The following DNAI7 variants were observed in gnomAD, a reference collection of about 807,000 sequenced individuals.
DNAI7 encodes the protein dynein axonemal intermediate chain 7, also known as cancer susceptibility 1.
A neutral mutation model predicts 86.6 loss-of-function variants in DNAI7; 78 were observed. That is an observed-to-expected ratio of 0.90 (90% CI 0.75 to 1.09). DNAI7 has a LOEUF of 1.09. Ranked by LOEUF, DNAI7 falls within the 50% of genes least tolerant of loss-of-function variation. DNAI7 has a pLI of 0.00. For synonymous variants in DNAI7, 274 were observed against 273.0 expected (o/e 1.00, Z -0.04); for missense variants, 753 against 810.2 (o/e 0.93, Z 0.86).
In DNAI7 at chr12:25,154,467, A is replaced by C. The variant is rs1945924686; in HGVS notation, c.301-11T>G. 6.3e-7 allele frequency: 1 copy of C among 1,598,900 alleles called. No individual in the cohort carries two copies. On this transcript the variant is annotated splice_polypyrimidine_tract_variant and intron_variant, in intron 5 of 15. Coordinates refer to ENST00000395987, the MANE Select transcript of DNAI7 (RefSeq NM_018272.5). ...AATGTAGTGCTTCCACTGTGGAATA[A>C]AAATGTTTAAAGGTTCACATTGATG...
At chr12:25,112,532 T>A (rs567969248) in intron 13 of DNAI7, among the ~76,000 whole-genome samples, 2 of 147,762 alleles carry the variant, frequency 1.4e-5, no homozygotes, top group East Asian at 2.1e-4. Context: ...TCAGCCTCCC[T>A]AGTAGCTGGG....
At chr12:25,155,910 G>A (rs898584553) in intron 4 of DNAI7, among the ~76,000 whole-genome samples, 1 of 152,184 alleles carries the variant, frequency 6.6e-6, no homozygotes, top group African/African-American at 2.4e-5. Flanking sequence ...AGGAGTTCGA[G>A]ACCAGCCAAC....
intron 2 of DNAI7, among the ~76,000 whole-genome samples, chr12:25,177,128 C>A (rs1196447214): frequency 1.3e-5 from 2 of 152,060 alleles, no homozygotes; most frequent in African/African-American, 2.4e-5. Flanking sequence ...GTATTGAACT[C>A]CTGACCTCAA....
At chr12:25,151,398 A>T (rs953639442) in intron 6 of DNAI7, among the ~76,000 whole-genome samples, 1 of 151,664 alleles carries the variant, frequency 6.6e-6, no homozygotes. Flanking sequence ...CTGCTATCCA[A>T]CTCCACTTTT....
intron 2 of DNAI7, among the ~76,000 whole-genome samples, chr12:25,184,315 T>G (rs1390610454): frequency 6.6e-6 from 1 of 152,222 alleles, no homozygotes; most frequent in South Asian, 2.1e-4. Flanking sequence ...AAACTATGAA[T>G]CTACTTTCTG....
At chr12:25,156,436 C>T (rs1946182554) in intron 4 of DNAI7, among the ~76,000 whole-genome samples, 1 of 152,182 alleles carries the variant, frequency 6.6e-6, no homozygotes, top group African/African-American at 2.4e-5. Context: ...TCACTGTAAG[C>T]TTGAAAGTAT....
At chr12:25,108,248 C>G, downstream of DNAI7, 1 of 619,792 alleles carries the variant, frequency 1.6e-6, no homozygotes. Context: ...AGAAGTCTGC[C>G]TATGATCTTT....
In DNAI7 at chr12:25,154,346, C is replaced by T; in HGVS notation, c.411G>A (p.Val137=). The T allele has an allele frequency of 6.2e-7, 1 of 1,609,684 alleles. No homozygotes were observed. ...KEKTNETFEE[V]IEKSKVVLNL... is the part of the protein sequence containing the mutation. ...TTAGCACTACTTTACTCTTCTCAAT[C>T]ACTTCCTCAAAAGTCTCATTTGTTT... Residue 137 remains valine (V), a synonymous_variant, in exon 6 of 16, where the codon GTG becomes GTA. Transcript: ENST00000395987.
intron 2 of DNAI7, among the ~76,000 whole-genome samples, chr12:25,181,437 A>C (rs1270665259): frequency 6.6e-6 from 1 of 152,108 alleles, no homozygotes; most frequent in Non-Finnish European, 1.5e-5. Context: ...AAACTATAAA[A>C]ACCCTAAAAG....
chr12:25,162,173 G>T (rs1268147847), intron 2 of DNAI7, among the ~76,000 whole-genome samples: 1 of 152,122 alleles, frequency 6.6e-6, no homozygotes, highest in Non-Finnish European at 1.5e-5. Context: ...GGGCCAACAA[G>T]GTCAGTGGGC....
In DNAI7 at chr12:25,110,206, ATCTGTC is replaced by A. The variant is rs1949696704; in HGVS notation, c.1808_1813del (p.Arg603_Met605delinsLeu). The stretch of plus-strand genomic sequence containing the variant: ...TGCAAAAGCAGAACTTAGTAGGGCC[ATCTGTC>A]GATAAGCTTTCACTTCTACCAAAGG... On this transcript the variant is annotated inframe_deletion, in exon 15 of 16. Transcript: ENST00000395987. 2 of 1,611,376 alleles carry A rather than the reference ATCTGTC, an allele frequency of 1.2e-6. No homozygotes were observed. The highest frequency in any genetic ancestry group is 2.2e-5 in the South Asian group (2 of 91,020).
intron 2 of DNAI7, among the ~76,000 whole-genome samples, chr12:25,175,003 G>T (rs1172162273): frequency 1.3e-5 from 2 of 151,656 alleles, no homozygotes; most frequent in East Asian, 3.9e-4. Context: ...CTACAAATAC[G>T]GTGCAGTGTA....
chr12:25,141,618 C>T (rs1198814909), intron 9 of DNAI7, among the ~76,000 whole-genome samples: 4 of 152,272 alleles, frequency 2.6e-5, no homozygotes, highest in African/African-American at 9.6e-5. Flanking sequence ...ACCATGAGGT[C>T]AGGAGATTGA....
rs1343455162 is a variant in DNAI7 at position 25,108,628 on chromosome 12, T to TGGGA, written c.2088_2089insTCCC (p.Lys697SerfsTer54). 6.2e-7 allele frequency: 1 copy of TGGGA among 1,613,614 alleles called. No homozygotes were observed. The highest frequency in any genetic ancestry group is 8.5e-7 in the Non-Finnish European group (1 of 1,179,876). ...AACTGACAGTTGGAACTCCTGACTT[T>TGGGA]CTCCATTGCTTCCTCAGAAGCAAAA... On this transcript the variant is annotated frameshift_variant, in exon 16 of 16. Coordinates refer to ENST00000395987, the MANE Select transcript of DNAI7 (RefSeq NM_018272.5). LOFTEE classifies it low-confidence loss of function (END_TRUNC).
chr12:25,117,658 G>A (rs1387316860), intron 12 of DNAI7, among the ~76,000 whole-genome samples: 1 of 151,978 alleles, frequency 6.6e-6, no homozygotes, highest in East Asian at 1.9e-4. Flanking sequence ...TATCACTGTA[G>A]ATACTTATAA....
intron 1 of DNAI7, among the ~76,000 whole-genome samples, chr12:25,193,852 C>A (rs1950765957): frequency 6.6e-6 from 1 of 151,522 alleles, no homozygotes; most frequent in Non-Finnish European, 1.5e-5. Flanking sequence ...GACGGAGTCT[C>A]GCTCTGTCAC....
At position 25,121,877 on chromosome 12, in the gene DNAI7, G is replaced by A. The variant is rs752924646; in HGVS notation, c.1115C>T (p.Pro372Leu). 8 of 1,591,046 alleles carry A rather than the reference G, an allele frequency of 5.0e-6. No individual in the cohort carries two copies. The highest frequency in any genetic ancestry group is 2.7e-5 in the African/African-American group (2 of 73,474). Reference protein sequence around the residue: ...LLLVENSSEKPDFFEDNVVDL... With the variant: ...LLLVENSSEKLDFFEDNVVDL... ...CACCACATTGTCTTCAAAGAAATCTGGCTTTTCAGAAGAATTCTCTACCAG... is the reference window on the plus strand; with the variant it reads ...CACCACATTGTCTTCAAAGAAATCTAGCTTTTCAGAAGAATTCTCTACCAG... The change falls in exon 11 of 16, where the codon CCA becomes CTA. Residue 372 changes from proline (P) to leucine (L), a missense_variant. Transcript: ENST00000395987.
intron 2 of DNAI7, among the ~76,000 whole-genome samples, chr12:25,169,865 G>GA (rs1334838698): frequency 2.9e-5 from 4 of 137,582 alleles, no homozygotes; most frequent in Non-Finnish European, 6.1e-5. Flanking sequence ...AAAAAAAAAA[G>GA]AAAAAAAAGA....
chr12:25,114,747 G>A lies in DNAI7; in HGVS notation c.1520C>T (p.Pro507Leu), dbSNP rs541582866. ...TLIQDAHINM[P>L]YQSWELRPLD... ...TGGTCTTAGTTCCCATGACTGGTAC[G>A]GCATGTTAATATGAGCATCTTGAAT... Residue 507 changes from proline to leucine, a missense_variant, in exon 13 of 16, where the codon CCG (proline) becomes CTG (leucine). Physicochemically the swap from Pro to Leu is moderately conservative, Grantham distance 98 (BLOSUM62 -3). Coordinates refer to ENST00000395987, the MANE Select transcript of DNAI7 (RefSeq NM_018272.5). 58 of 1,613,538 alleles carry A rather than the reference G, an allele frequency of 3.6e-5. No individual in the cohort carries two copies. The East Asian group carries it at 9.8e-4, about 27-fold the overall frequency.
Sources: allele counts gnomAD v4.1 joint callset (sites outside exome capture counted in the v4.1 genomes callset), GRCh38; gene constraint gnomAD v4.1.1; transcripts MANE v1.5; gene names NCBI Gene and HGNC (gene_info 2026-07-23, HGNC 2026-07-21).